The following DLGAP4 variants were observed in gnomAD, a reference collection of about 807,000 sequenced individuals.
The protein encoded by DLGAP4 is disks large-associated protein 4.
Under a neutral mutation model 86.9 loss-of-function variants are expected in DLGAP4, and 18 were observed. The ratio of observed to expected loss-of-function variants is 0.21; its 90% CI spans 0.14 to 0.31. DLGAP4 has a LOEUF of 0.31. Among genes scored for constraint, DLGAP4 ranks in the 10% least tolerant of loss-of-function variants. The pLI is 1.00. For synonymous variants in DLGAP4, 548 were observed against 574.3 expected (o/e 0.95, Z 0.65); for missense variants, 1,085 against 1,362.6 (o/e 0.80, Z 3.21).
chr20:36,318,173 T>G (rs2065129761), intron 1 of DLGAP4, among the ~76,000 whole-genome samples: 1 of 135,602 alleles, frequency 7.4e-6, no homozygotes, highest in Admixed American at 7.4e-5. Context: ...ACTCCAGGAG[T>G]GACTTTGAGG....
intron 2 of DLGAP4, among the ~76,000 whole-genome samples, chr20:36,373,704 G>T (rs2031031477): frequency 6.6e-6 from 1 of 152,104 alleles, no homozygotes; most frequent in Non-Finnish European, 1.5e-5. Flanking sequence ...AAGATGCATG[G>T]TTTTCAAAAT....
chr20:36,460,229 G>C (rs2033987706), intron 7 of DLGAP4, among the ~76,000 whole-genome samples: 1 of 152,170 alleles, frequency 6.6e-6, no homozygotes, highest in South Asian at 2.1e-4. Flanking sequence ...ACTTTGGGAG[G>C]CCGAGGTGGG....
chr20:36,475,369 C>G (rs1184870240), intron 7 of DLGAP4, among the ~76,000 whole-genome samples: 1 of 152,094 alleles, frequency 6.6e-6, no homozygotes, highest in African/African-American at 2.4e-5. Flanking sequence ...TGCCACCATG[C>G]CTGGCTAATT....
intron 1 of DLGAP4, among the ~76,000 whole-genome samples, chr20:36,355,282 T>G (rs1307413359): frequency 6.6e-6 from 1 of 151,616 alleles, no homozygotes; most frequent in Admixed American, 6.6e-5. Context: ...TCTTGTTCTT[T>G]TTTCTTTCTT....
In DLGAP4 at chr20:36,526,251, G is replaced by A. The variant is rs1022675477; in HGVS notation, c.2760+245G>A. Reference sequence around the variant, plus strand: ...GCATGTCCAGAAAAGGGGATCCTGGGAGAGGCACGCCCACAGCCTCAATCA... The same window carrying A: ...GCATGTCCAGAAAAGGGGATCCTGGAAGAGGCACGCCCACAGCCTCAATCA... On this transcript the variant is annotated intron_variant, in intron 12 of 12. Transcript: ENST00000339266. The A allele has an allele frequency of 9.4e-5, 59 of 624,466 alleles. 1 individual carries two copies. Among genetic ancestry groups the A allele is most frequent in the Middle Eastern group, 8.6e-4 (2 of 2,328 alleles). The allele number at this position is 624,466 out of a possible 1,614,324, so 38.7% of individuals were successfully genotyped here.
intron 1 of DLGAP4, among the ~76,000 whole-genome samples, chr20:36,322,208 G>A (rs1253905882): frequency 2.0e-5 from 3 of 152,196 alleles, no homozygotes; most frequent in East Asian, 3.9e-4. Flanking sequence ...TCCAGCAGAG[G>A]GAACTGCAAA....
intron 2 of DLGAP4, among the ~76,000 whole-genome samples, chr20:36,371,775 G>C (rs1410468488): frequency 6.6e-6 from 1 of 152,058 alleles, no homozygotes; most frequent in South Asian, 2.1e-4. Context: ...TTAAAAAGAG[G>C]TTATAAAACA....
At chr20:36,348,395 C>T (rs2030015604) in intron 1 of DLGAP4, among the ~76,000 whole-genome samples, 2 of 152,170 alleles carry the variant, frequency 1.3e-5, no homozygotes, top group African/African-American at 2.4e-5. Context: ...AGGCAAAGTC[C>T]TTGCTGTAGC....
intron 7 of DLGAP4, chr20:36,493,305 C>G (rs758910993): frequency 6.6e-6 from 1 of 152,252 alleles, no homozygotes; most frequent in Non-Finnish European, 1.5e-5. Flanking sequence ...TTTCAGACAT[C>G]AGTGGAGAGG....
intron 8 of DLGAP4, chr20:36,499,374 C>A: frequency 6.4e-7 from 1 of 1,558,334 alleles, no homozygotes. Context: ...CACCTGCCCG[C>A]CCGCCCGCCT....
chr20:36,526,195 G>C, intron 12 of DLGAP4, 189 bp downstream of exon 12: 1 of 787,826 alleles, frequency 1.3e-6, no homozygotes, highest in Non-Finnish European at 2.1e-6. Flanking sequence ...CCGTGTAGTT[G>C]AGGCTGCCCC....
Position 36,431,067 on chromosome 20 carries a change from C to T in DLGAP4, c.-72-579C>T, listed in dbSNP as rs2033115925. On this transcript the variant is annotated intron_variant, in intron 2 of 12. Coordinates refer to ENST00000339266, the MANE Select transcript of DLGAP4 (RefSeq NM_001365621.2). The surrounding 1 kb of genome is among the most constrained non-coding windows in gnomAD (Gnocchi z 5.1). ...GACATGCCCACCAGCAGGCTGCATC[C>T]CCCCATAGACCACCCTGGATACTGG... is the stretch of plus-strand genomic sequence containing the variant. 6.6e-6 allele frequency among the ~76,000 whole-genome samples: 1 copy of T among 152,094 alleles called. No homozygotes were observed. Among genetic ancestry groups the T allele is most frequent in the Non-Finnish European group, 1.5e-5 (1 of 68,002 alleles).
At chr20:36,327,147 G>A (rs13045274) in intron 1 of DLGAP4, among the ~76,000 whole-genome samples, 14 of 151,656 alleles carry the variant, frequency 9.2e-5, no homozygotes, top group Non-Finnish European at 1.9e-4. Context: ...CTACAAGTGT[G>A]CACCATTACA....
intron 2 of DLGAP4, among the ~76,000 whole-genome samples, chr20:36,390,947 A>T (rs1348203050): frequency 6.6e-6 from 1 of 152,114 alleles, no homozygotes; most frequent in African/African-American, 2.4e-5. Context: ...CCTTGATCCA[A>T]GACTCAACTC....
At chr20:36,512,143 C>G (rs537309239) in intron 10 of DLGAP4, among the ~76,000 whole-genome samples, 4 of 150,180 alleles carry the variant, frequency 2.7e-5, no homozygotes, top group Non-Finnish European at 4.4e-5. Flanking sequence ...CTCCACCTCC[C>G]GGATTCATGC....
At chr20:36,404,016 A>G (rs1371786948) in intron 2 of DLGAP4, among the ~76,000 whole-genome samples, 1 of 152,178 alleles carries the variant, frequency 6.6e-6, no homozygotes. Flanking sequence ...AAAGTCACAT[A>G]CTGTCATTTC....
At chr20:36,522,333 A>T (rs1648007039) in intron 10 of DLGAP4, among the ~76,000 whole-genome samples, 1 of 151,250 alleles carries the variant, frequency 6.6e-6, no homozygotes, top group African/African-American at 2.4e-5. Context: ...TAATTTTTGA[A>T]TTTTTTCATA....
chr20:36,388,868 C>T (rs1200332051), intron 2 of DLGAP4, among the ~76,000 whole-genome samples: 2 of 152,164 alleles, frequency 1.3e-5, no homozygotes, highest in African/African-American at 4.8e-5. Flanking sequence ...AAGAGGTGTC[C>T]AGAGCTGAAA....
chr20:36,367,291 C>T lies in DLGAP4; in HGVS notation c.-73+16C>T, dbSNP rs189760990. 39 of 152,674 alleles carry T rather than the reference C, an allele frequency of 2.6e-4. No individual in the cohort carries two copies. The highest frequency in any genetic ancestry group is 3.4e-3 in the Middle Eastern group (1 of 296). 9.5% of individuals were successfully genotyped at this position (152,674 alleles called of 1,614,324 possible). On this transcript the variant is annotated intron_variant, in intron 2 of 12. Transcript: ENST00000339266. ...TCCCTGGTTGGTAAGTAACTGCGTC[C>T]GCAGGCTTTGTCTCCTCACCAGCCC...
Sources: gnomAD v4.1 joint callset for allele counts (sites outside exome capture counted in the v4.1 genomes callset) on GRCh38, gnomAD v4.1.1 for gene constraint, Gnocchi (gnomAD v3.1) non-coding constraint, MANE v1.5 for transcripts, NCBI Gene and HGNC (gene_info 2026-07-23, HGNC 2026-07-21) for gene names.